Variants in IGSF9B observed in about 807,000 individuals in gnomAD.
IGSF9B encodes protein turtle homolog B.
In IGSF9B, 48 loss-of-function variants were observed where a neutral mutation model predicts 143.7. That is an observed-to-expected ratio of 0.33 (90% CI 0.26 to 0.42). The LOEUF (loss-of-function observed/expected upper bound fraction) is 0.42, where lower values mean the gene tolerates loss of function less well. Among genes scored for constraint, IGSF9B ranks in the 20% least tolerant of loss-of-function variants. The probability of loss-of-function intolerance (pLI) is 1.00; values close to 1 mark genes in which losing one functional copy is unlikely to be tolerated. For missense variants in IGSF9B, 1,706 were observed against 1,980.0 expected (o/e 0.86, Z 2.63); for synonymous variants, 903 against 833.1 (o/e 1.08, Z -1.44).
intron 1 of IGSF9B, 150 bp from the exon 2 acceptor site, chr11:133,946,408 C>T: frequency 1.5e-6 from 1 of 645,428 alleles, no homozygotes; most frequent in Non-Finnish European, 2.7e-6. Flanking sequence ...CCAGGCACAC[C>T]CTCCATCCCT....
rs766713258 is a variant in IGSF9B at position 133,946,251 on chromosome 11, G to A, written c.72C>T (p.His24=). 3.7e-6 allele frequency: 6 copies of A among 1,613,046 alleles called. No homozygotes were observed. Among genetic ancestry groups the A allele is most frequent in the South Asian group, 1.1e-5 (1 of 90,890 alleles). The change falls in exon 2 of 20, where the codon CAC becomes CAT. Residue 24 remains histidine, a synonymous_variant. Coordinates refer to ENST00000533871, the MANE Select transcript of IGSF9B (RefSeq NM_001277285.4). ...CAAACTCGGGCTCCTCTCGCAGGCC[G>A]TGGGCGCCTGATGGGGACGGCCAGG... ...GTRGLAAEGA[H]GLREEPEFVT...
rs921930659 is a variant in IGSF9B at position 133,907,181 on chromosome 11, G to A, written c.*1888C>T. ...CAGATGTGTTCAGAAAGGAACTGCGGTGGTGTTACTTGCACGGTAAACCTC... is the reference window on the plus strand; with the variant it reads ...CAGATGTGTTCAGAAAGGAACTGCGATGGTGTTACTTGCACGGTAAACCTC... On this transcript the variant is annotated 3_prime_UTR_variant, in exon 20 of 20. Coordinates refer to ENST00000533871, the MANE Select transcript of IGSF9B (RefSeq NM_001277285.4). 1.3e-4 allele frequency among the ~76,000 whole-genome samples: 20 copies of A among 152,192 alleles called. No homozygotes were observed. Among genetic ancestry groups the A allele is most frequent in the Admixed American group, 2.6e-4 (4 of 15,280 alleles).
rs1303402884 is a variant in IGSF9B, at chr11:133,921,408, G to A, written c.2328-11C>T. 1.3e-6 allele frequency: 2 copies of A among 1,487,250 alleles called. No homozygotes were observed. The highest frequency in any genetic ancestry group is 2.4e-5 in the East Asian group (1 of 42,460). The allele number at this position is 1,487,250 out of a possible 1,614,324, so 92.1% of individuals were successfully genotyped here. A position where few individuals can be genotyped will look rare whatever the true frequency, so the allele number is the denominator to read the frequency against. On this transcript the variant is annotated splice_polypyrimidine_tract_variant and intron_variant, in intron 17 of 19. Coordinates refer to ENST00000533871, the MANE Select transcript of IGSF9B (RefSeq NM_001277285.4). ...TTGCCAGAGGACAAGCTGCAAGGAG[G>A]AGCAAGAGCCGGGAGGGGATGAGGT...
chr11:133,919,852 A>C lies in IGSF9B; in HGVS notation c.3873T>G (p.Pro1291=). 1.3e-6 allele frequency: 2 copies of C among 1,584,550 alleles called. No individual in the cohort carries two copies. Among genetic ancestry groups the C allele is most frequent in the Non-Finnish European group, 1.7e-6 (2 of 1,165,072 alleles). ...CGTCCAAGCTGTCCCCAGGCCCAGC[A>C]GGGGCGGGGCCGGGTGGAGGGGAAG... ...GYPSPPPGPA[P]AGPGDSLDVF... The change falls in exon 18 of 20, where the codon CCT becomes CCG. Residue 1291 remains proline (P), a synonymous_variant. Transcript: ENST00000533871.
rs1939265028 is a variant in IGSF9B at position 133,909,292 on chromosome 11, A to G, written c.4106-15T>C. On this transcript the variant is annotated splice_polypyrimidine_tract_variant and intron_variant, in intron 19 of 19. Coordinates refer to ENST00000533871, the MANE Select transcript of IGSF9B (RefSeq NM_001277285.4). The surrounding 1 kb of genome is among the most constrained non-coding windows in gnomAD (Gnocchi z 4.2). ...GGCAGAATCGTCTAGGAAGAAAGGA[A>G]GAGGGACGCAAAAGAGAAGCAAGCG... 6.5e-7 allele frequency: 1 copy of G among 1,529,804 alleles called. No individual in the cohort carries two copies. The highest frequency in any genetic ancestry group is 8.8e-7 in the Non-Finnish European group (1 of 1,141,284). The allele number at this position is 1,529,804 out of a possible 1,614,324, so 94.8% of individuals were successfully genotyped here.
intron 12 of IGSF9B, 42 bp downstream of exon 12, chr11:133,929,629 C>T: frequency 7.0e-7 from 1 of 1,422,082 alleles, no homozygotes. Flanking sequence ...AGGGGAGAAG[C>T]AGAGAGCAAA....
chr11:133,917,198 T>C (rs1390215082), intron 18 of IGSF9B, among the ~76,000 whole-genome samples: 1 of 152,194 alleles, frequency 6.6e-6, no homozygotes, highest in Non-Finnish European at 1.5e-5. Context: ...GATGCCTGTG[T>C]GTGCCCAGGC....
chr11:133,956,729 A>T lies in IGSF9B; in HGVS notation c.26T>A (p.Ile9Lys). 2 of 1,544,780 alleles carry T rather than the reference A, an allele frequency of 1.3e-6. No homozygotes were observed. Among genetic ancestry groups the T allele is most frequent in the Non-Finnish European group, 1.7e-6 (2 of 1,147,016 alleles). Residue 9 changes from isoleucine (I) to lysine (K), a missense_variant, in exon 1 of 20, where the codon ATA becomes AAA. Ile to Lys is a moderately radical substitution (Grantham distance 102). This residue lies in a region of IGSF9B where 171 missense variants were observed against 213.9 expected (regional missense o/e 0.80). Coordinates refer to ENST00000533871, the MANE Select transcript of IGSF9B (RefSeq NM_001277285.4). ...CCCTCGGGTGCCGATCACACTTGCT[A>T]TGAAAGTGGCCACATACCAAATCAT... MIWYVATF[I>K]ASVIGTRGLA...
At position 133,920,519 on chromosome 11, in the gene IGSF9B, C is replaced by G. The variant is rs1939506856; in HGVS notation, c.3206G>C (p.Ser1069Thr). Reference sequence around the variant, plus strand: ...GGGGAGGCCGGCCTTGGGCTGCAGACTCTCGGGCACATCACAGGGTGGCAG... The same window carrying G: ...GGGGAGGCCGGCCTTGGGCTGCAGAGTCTCGGGCACATCACAGGGTGGCAG... ...HQLPPCDVPE[S>T]LQPKAGLPRG... Residue 1069 changes from serine (S) to threonine (T), a missense_variant, in exon 18 of 20, where the codon AGT becomes ACT. Physicochemically the swap from Ser to Thr is moderately conservative, Grantham distance 58 (BLOSUM62 1). Transcript: ENST00000533871. The G allele has an allele frequency of 1.0e-5, 16 of 1,604,944 alleles. No homozygotes were observed. The highest frequency in any genetic ancestry group is 1.3e-5 in the African/African-American group (1 of 74,836).
chr11:133,927,519 G>A (rs561912222), intron 12 of IGSF9B, among the ~76,000 whole-genome samples: 7 of 152,346 alleles, frequency 4.6e-5, no homozygotes, highest in African/African-American at 1.7e-4. Context: ...CACCCCCAGG[G>A]ACAGCTGAAG....
chr11:133,937,924 G>A lies in IGSF9B; in HGVS notation c.447C>T (p.Ile149=), dbSNP rs329635. Residue 149 remains isoleucine (I), a synonymous_variant, in exon 4 of 20, where the codon ATC becomes ATT. Transcript: ENST00000533871. ...TGATACTACCACCCTCCTTGGCCTC[G>A]ATGTACTGGGGGGGTGTTTCTGTAA... The part of the protein sequence containing the change: ...PTFTETPPQY[I]EAKEGGSITM... The A allele has an allele frequency of 0.12, 188,490 of 1,612,524 alleles. 11,867 individuals carry two copies. Among genetic ancestry groups the A allele is most frequent in the Middle Eastern group, 0.17 (1,035 of 6,062 alleles).
In IGSF9B at chr11:133,930,844, G is replaced by A. The variant is rs977641141; in HGVS notation, c.1519+140C>T. The A allele has an allele frequency of 1.0e-4, 86 of 823,976 alleles. No homozygotes were observed. The East Asian group carries it at 1.3e-3, about 12-fold the overall frequency. 51.0% of individuals were successfully genotyped at this position (823,976 alleles called of 1,614,324 possible). On this transcript the variant is annotated intron_variant, in intron 11 of 19. Transcript: ENST00000533871. The stretch of plus-strand genomic sequence containing the variant: ...GGCAAAGGCTGCCGGTGCTGGACGC[G>A]GAGTTCAGGGCTGCACTGACTTAGG...
At position 133,921,290 on chromosome 11, in the gene IGSF9B, G is replaced by C. The variant is rs778084061; in HGVS notation, c.2435C>G (p.Thr812Ser). Residue 812 changes from threonine (T) to serine (S), a missense_variant, in exon 18 of 20, where the codon ACC becomes AGC. Thr to Ser is a moderately conservative substitution (Grantham distance 58). This residue lies in a region of IGSF9B where 135 missense variants were observed against 181.3 expected (regional missense o/e 0.74). Transcript: ENST00000533871. Reference sequence around the variant, plus strand: ...GTACAGCGACAGCTCCTTCTCACGGGTGGGGCTCAGCATCCTCTTGGCCGC... The same window carrying C: ...GTACAGCGACAGCTCCTTCTCACGGCTGGGGCTCAGCATCCTCTTGGCCGC... ...QPAAKRMLSP[T>S]REKELSLYKK... 1.9e-6 allele frequency: 3 copies of C among 1,610,690 alleles called. No individual in the cohort carries two copies. The highest frequency in any genetic ancestry group is 2.5e-6 in the Non-Finnish European group (3 of 1,178,564).
At chr11:133,916,920 G>A (rs1489605620) in intron 18 of IGSF9B, among the ~76,000 whole-genome samples, 1 of 152,138 alleles carries the variant, frequency 6.6e-6, no homozygotes, top group Non-Finnish European at 1.5e-5. Context: ...CTGCCTGACA[G>A]CCCTCACACT....
chr11:133,898,368 C>T lies in IGSF9B; in HGVS notation c.*10701G>A, dbSNP rs1269266084. On this transcript the variant is annotated 3_prime_UTR_variant, in exon 20 of 20. Coordinates refer to ENST00000533871, the MANE Select transcript of IGSF9B (RefSeq NM_001277285.4). ...TCCCCACCCACACTGCCTGCTCACC[C>T]CCACCCTCTGTGTGTCCTCAGACCA... 6.6e-6 allele frequency: 1 copy of T among 152,456 alleles called. No individual in the cohort carries two copies. The highest frequency in any genetic ancestry group is 1.9e-4 in the East Asian group (1 of 5,156). 9.4% of individuals were successfully genotyped at this position (152,456 alleles called of 1,614,324 possible).
At position 133,937,541 on chromosome 11, in the gene IGSF9B, C is replaced by T. The variant is rs542119295; in HGVS notation, c.562-48G>A. 7.2e-5 allele frequency: 103 copies of T among 1,428,178 alleles called. No homozygotes were observed. The Admixed American group carries it at 9.4e-4, about 13-fold the overall frequency. 88.5% of individuals were successfully genotyped at this position (1,428,178 alleles called of 1,614,324 possible). A position where few individuals can be genotyped will look rare whatever the true frequency, so the allele number is the denominator to read the frequency against. ...GCTCAGCACCCACGCTCACACCCAC[C>T]GCTGCTACCCTCAAACACGGAGATG... On this transcript the variant is annotated intron_variant, in intron 4 of 19. Coordinates refer to ENST00000533871, the MANE Select transcript of IGSF9B (RefSeq NM_001277285.4).
intron 19 of IGSF9B, among the ~76,000 whole-genome samples, chr11:133,910,599 C>G (rs896303338): frequency 6.6e-6 from 1 of 152,136 alleles, no homozygotes; most frequent in Non-Finnish European, 1.5e-5. Flanking sequence ...ATCAATAACT[C>G]TGCTTTAGAC....
chr11:133,938,679 A>G (rs1358442637), intron 3 of IGSF9B, among the ~76,000 whole-genome samples: 1 of 152,148 alleles, frequency 6.6e-6, no homozygotes, highest in East Asian at 1.9e-4. Flanking sequence ...CCCTTGGACT[A>G]TCAGTTCCAG....
chr11:133,954,329 A>T (rs1940213257), intron 1 of IGSF9B, among the ~76,000 whole-genome samples: 1 of 152,142 alleles, frequency 6.6e-6, no homozygotes, highest in African/African-American at 2.4e-5. Context: ...TGAGGCCCGC[A>T]CATCCTGCAC....
Sources: gnomAD v4.1 joint callset for allele counts (sites outside exome capture counted in the v4.1 genomes callset) on GRCh38, gnomAD v4.1.1 for gene constraint, gnomAD v4.1.1 regional missense constraint, Gnocchi (gnomAD v3.1) non-coding constraint, MANE v1.5 for transcripts, NCBI Gene and HGNC (gene_info 2026-07-23, HGNC 2026-07-21) for gene names.